CAST: variants seen among roughly 807,000 people sequenced by gnomAD.
CAST encodes the protein MIR583 host.
A neutral mutation model predicts 119.6 loss-of-function variants in CAST; 76 were observed. The ratio of observed to expected loss-of-function variants is 0.64; its 90% CI spans 0.53 to 0.77. CAST has a LOEUF of 0.77. Among genes scored for constraint, CAST ranks in the 30% least tolerant of loss-of-function variants. The pLI is 0.00. For synonymous variants in CAST, 319 were observed against 331.6 expected (o/e 0.96, Z 0.41); for missense variants, 953 against 946.5 (o/e 1.01, Z -0.09).
At chr5:96,072,868 C>G in the CAST span, among the ~76,000 whole-genome samples, 1 of 152,182 alleles carries the variant, frequency 6.6e-6, no homozygotes, top group Non-Finnish European at 1.5e-5. Context: ...CAAAGACAAG[C>G]GATTCTAGTC....
At chr5:96,064,706 GAGA>G in the CAST span, among the ~76,000 whole-genome samples, 1 of 24,874 alleles carries the variant, frequency 4.0e-5, no homozygotes, top group Non-Finnish European at 1.1e-4. Flanking sequence ...TGGCCTACAG[GAGA>G]AGAAAGCCAC....
chr5:96,666,391 T>G (rs902338471), intron 1 of CAST, among the ~76,000 whole-genome samples: 6 of 152,242 alleles, frequency 3.9e-5, no homozygotes, highest in African/African-American at 7.2e-5. Flanking sequence ...GAATCATCAG[T>G]TGATTCTATT....
the CAST span, among the ~76,000 whole-genome samples, chr5:96,421,225 GC>G: frequency 5.0e-4 from 76 of 152,298 alleles, no homozygotes; most frequent in African/African-American, 1.8e-3. Context: ...GTGGCTCTTG[GC>G]CTCTCTCACC....
chr5:96,041,421 A>G, the CAST span, among the ~76,000 whole-genome samples: 7 of 152,168 alleles, frequency 4.6e-5, no homozygotes, highest in African/African-American at 1.7e-4. Flanking sequence ...AAGAAGGTCT[A>G]TCTGAGAACC....
upstream of CAST, among the ~76,000 whole-genome samples, chr5:96,660,435 A>G (rs959459646): frequency 3.9e-4 from 60 of 152,272 alleles, no homozygotes; most frequent in African/African-American, 1.3e-3. Flanking sequence ...TTTAATCTCT[A>G]TATCTCTCCT....
intron 3 of CAST, among the ~76,000 whole-genome samples, chr5:96,705,345 G>GA (rs557383702): frequency 8.0e-5 from 12 of 149,498 alleles, no homozygotes; most frequent in South Asian, 6.3e-4. Flanking sequence ...AGAAAAAAAA[G>GA]AAAAAAAAAG....
At chr5:96,598,422 G>T (rs1747090357) in intron 1 of CAST, among the ~76,000 whole-genome samples, 1 of 152,094 alleles carries the variant, frequency 6.6e-6, no homozygotes. Context: ...AAGCACTGGG[G>T]AAAACTGGCT....
At chr5:96,135,478 G>A in the CAST span, among the ~76,000 whole-genome samples, 1 of 152,140 alleles carries the variant, frequency 6.6e-6, no homozygotes. Flanking sequence ...TGGTGGTTTA[G>A]GTAAGGGGTA....
At chr5:95,990,423 A>C in the CAST span, among the ~76,000 whole-genome samples, 9 of 152,076 alleles carry the variant, frequency 5.9e-5, no homozygotes, top group East Asian at 1.2e-3. Flanking sequence ...TCTGGATCAA[A>C]AATTCAATAA....
At chr5:96,418,335 T>A in the CAST span, among the ~76,000 whole-genome samples, 4 of 152,190 alleles carry the variant, frequency 2.6e-5, no homozygotes, top group Admixed American at 1.3e-4. Context: ...ACAAAATGAT[T>A]TGTTTAAAAA....
At chr5:96,750,242 TC>T (rs1764709311) in intron 19 of CAST, among the ~76,000 whole-genome samples, 1 of 152,206 alleles carries the variant, frequency 6.6e-6, no homozygotes. Context: ...CTAACTGTGT[TC>T]CCAGGTACTA....
intron 2 of CAST, among the ~76,000 whole-genome samples, chr5:96,694,747 CTG>C (rs1401728537): frequency 6.6e-6 from 1 of 152,120 alleles, no homozygotes; most frequent in Non-Finnish European, 1.5e-5. Flanking sequence ...GAGGAAGCAA[CTG>C]TGTATTTTAC....
At chr5:96,291,427 A>C in the CAST span, among the ~76,000 whole-genome samples, 1 of 152,178 alleles carries the variant, frequency 6.6e-6, no homozygotes, top group Non-Finnish European at 1.5e-5. Context: ...CTCAAGTTTC[A>C]TGGTCCTCCA....
At chr5:96,243,765 A>G in the CAST span, among the ~76,000 whole-genome samples, 2 of 152,166 alleles carry the variant, frequency 1.3e-5, no homozygotes, top group South Asian at 2.1e-4. Flanking sequence ...TTTTCTGCCC[A>G]GATTCATTTA....
chr5:96,153,594 T>G, the CAST span, among the ~76,000 whole-genome samples: 1 of 152,186 alleles, frequency 6.6e-6, no homozygotes, highest in Non-Finnish European at 1.5e-5. Flanking sequence ...TGAAGCTCAT[T>G]TTCCTCCTTT....
the CAST span, among the ~76,000 whole-genome samples, chr5:96,256,602 A>G: frequency 2.0e-5 from 3 of 151,318 alleles, no homozygotes; most frequent in Non-Finnish European, 4.4e-5. Context: ...AGGCAGTTAT[A>G]ACACAATGCT....
intron 1 of CAST, among the ~76,000 whole-genome samples, chr5:96,563,523 G>T (rs989970030): frequency 6.6e-6 from 1 of 152,042 alleles, no homozygotes; most frequent in Non-Finnish European, 1.5e-5. Context: ...CAAGAAATTG[G>T]CAATGGTAGT....
chr5:96,729,054 A>T, intron 6 of CAST, 99 bp from the exon 7 acceptor site: 1 of 762,728 alleles, frequency 1.3e-6, no homozygotes, highest in Admixed American at 2.4e-5. Flanking sequence ...TTCCTGAAAA[A>T]GGCAGAATGT....
At chr5:96,546,492 A>G (rs1373104700) in intron 1 of CAST, 2 of 152,098 alleles carry the variant, frequency 1.3e-5, no homozygotes, top group East Asian at 1.9e-4. Flanking sequence ...TAGAGATTCT[A>G]TCTCTCTTCT....
Sources: allele counts gnomAD v4.1 joint callset (sites outside exome capture counted in the v4.1 genomes callset), GRCh38; gene constraint gnomAD v4.1.1; transcripts MANE v1.5; gene names NCBI Gene and HGNC (gene_info 2026-07-23, HGNC 2026-07-21).